The following TMEM117 variants were observed in gnomAD, a reference collection of about 807,000 sequenced individuals.
TMEM117 encodes transmembrane protein 117.
In TMEM117, 27 loss-of-function variants were observed where a neutral mutation model predicts 52.4. The ratio of observed to expected loss-of-function variants is 0.51; its 90% CI spans 0.38 to 0.71. The LOEUF is 0.71. TMEM117 is among the 30% of genes least tolerant of loss of function. The pLI is 0.00. For missense variants in TMEM117, 556 were observed against 630.5 expected (o/e 0.88, Z 1.26); for synonymous variants, 215 against 206.3 (o/e 1.04, Z -0.36).
intron 6 of TMEM117, among the ~76,000 whole-genome samples, chr12:44,367,279 A>G (rs576036431): frequency 1.1e-4 from 16 of 152,142 alleles, no homozygotes; most frequent in East Asian, 5.8e-4. Flanking sequence ...TTTGTCCCCA[A>G]TGTCGGCTTC....
At chr12:44,089,452 G>C (rs954808872) in intron 3 of TMEM117, among the ~76,000 whole-genome samples, 1 of 152,066 alleles carries the variant, frequency 6.6e-6, no homozygotes, top group Non-Finnish European at 1.5e-5. Flanking sequence ...ACATTTAGGT[G>C]CTTTTTGTCA....
rs371853907 is a variant in TMEM117, at chr12:44,388,123, A to G, written c.996A>G (p.Gln332=). The G allele has an allele frequency of 1.2e-5, 20 of 1,613,088 alleles. No homozygotes were observed. The African/African-American group carries it at 2.4e-4, about 19-fold the overall frequency. The change falls in exon 8 of 8, where the codon CAA becomes CAG. Residue 332 remains glutamine (Q), a synonymous_variant. Transcript: ENST00000266534. Reference sequence around the variant, plus strand: ...TTTATAAACCTCATGAATATGGGCAATATATCGGCCCGGGGCAGAAGATAT... The same window carrying G: ...TTTATAAACCTCATGAATATGGGCAGTATATCGGCCCGGGGCAGAAGATAT... ...QIFYKPHEYG[Q]YIGPGQKIYT...
intron 2 of TMEM117, among the ~76,000 whole-genome samples, chr12:43,869,865 G>A (rs1308958494): frequency 6.6e-6 from 1 of 152,088 alleles, no homozygotes; most frequent in East Asian, 1.9e-4. Flanking sequence ...CATCACCCAG[G>A]TATTAAGCCC....
At chr12:43,923,149 TC>T (rs1175441749) in intron 2 of TMEM117, among the ~76,000 whole-genome samples, 3 of 152,168 alleles carry the variant, frequency 2.0e-5, no homozygotes, top group African/African-American at 4.8e-5. Flanking sequence ...ATGTTGCTTC[TC>T]CCCTGGAAGT....
At chr12:44,171,728 G>A (rs1421750078) in intron 4 of TMEM117, among the ~76,000 whole-genome samples, 2 of 152,150 alleles carry the variant, frequency 1.3e-5, no homozygotes, top group Admixed American at 6.5e-5. Flanking sequence ...TCTTAACTAT[G>A]CTATTTTCTA....
At chr12:44,084,701 C>T (rs1271251461) in intron 3 of TMEM117, among the ~76,000 whole-genome samples, 1 of 152,100 alleles carries the variant, frequency 6.6e-6, no homozygotes, top group Non-Finnish European at 1.5e-5. Context: ...TCTCAGGCCC[C>T]CATGCTAAGC....
At chr12:44,287,136 A>T (rs954438962) in intron 5 of TMEM117, among the ~76,000 whole-genome samples, 1 of 152,234 alleles carries the variant, frequency 6.6e-6, no homozygotes, top group African/African-American at 2.4e-5. Context: ...AACCCTTCTT[A>T]GTCTCACATT....
intron 2 of TMEM117, among the ~76,000 whole-genome samples, chr12:43,856,061 C>A (rs569592359): frequency 6.6e-6 from 1 of 152,098 alleles, no homozygotes; most frequent in Admixed American, 6.6e-5. Flanking sequence ...TTATCATGGT[C>A]GTTGAGAGTA....
chr12:43,951,570 C>A (rs929942925), intron 3 of TMEM117, among the ~76,000 whole-genome samples: 1 of 152,218 alleles, frequency 6.6e-6, no homozygotes, highest in African/African-American at 2.4e-5. Flanking sequence ...CTAGATCCTT[C>A]CTCAGCAGGC....
intron 2 of TMEM117, among the ~76,000 whole-genome samples, chr12:43,852,517 A>G (rs150307762): frequency 0.038 from 5,710 of 152,206 alleles, 269 homozygotes; most frequent in African/African-American, 0.1. Context: ...CAGCAAAATC[A>G]CTTGAACCCA....
chr12:44,393,994 G>C (rs1246368946), downstream of TMEM117, among the ~76,000 whole-genome samples: 1 of 152,148 alleles, frequency 6.6e-6, no homozygotes, highest in Non-Finnish European at 1.5e-5. Flanking sequence ...ACATCCCCAG[G>C]AGAATGTTAG....
intron 4 of TMEM117, among the ~76,000 whole-genome samples, chr12:44,200,542 T>G (rs1159252): frequency 0.1 from 15,170 of 152,156 alleles, 2,234 homozygotes; most frequent in African/African-American, 0.33. Context: ...AAATCTGTGT[T>G]ATTTTAAATG....
chr12:43,925,836 G>C (rs1011876316), intron 2 of TMEM117, among the ~76,000 whole-genome samples: 5 of 152,120 alleles, frequency 3.3e-5, no homozygotes, highest in Admixed American at 1.3e-4. Flanking sequence ...ATGTGCTTCA[G>C]ATGCAATGTT....
chr12:43,830,999 C>G (rs539850236), upstream of TMEM117, among the ~76,000 whole-genome samples: 4 of 152,114 alleles, frequency 2.6e-5, no homozygotes, highest in Non-Finnish European at 5.9e-5. Context: ...TTTTCACAAG[C>G]AAAATTCAGG....
chr12:44,345,341 A>G (rs1445942823), intron 6 of TMEM117, among the ~76,000 whole-genome samples: 1 of 152,036 alleles, frequency 6.6e-6, no homozygotes, highest in Non-Finnish European at 1.5e-5. Context: ...CAGTTCCTTT[A>G]TCATGTGGAA....
intron 4 of TMEM117, among the ~76,000 whole-genome samples, chr12:44,165,899 T>C (rs953536228): frequency 6.6e-6 from 1 of 152,288 alleles, no homozygotes; most frequent in Non-Finnish European, 1.5e-5. Flanking sequence ...ATGGAACATT[T>C]TATTCAACAG....
At chr12:44,266,340 G>C (rs1278020978) in intron 5 of TMEM117, among the ~76,000 whole-genome samples, 1 of 152,076 alleles carries the variant, frequency 6.6e-6, no homozygotes, top group African/African-American at 2.4e-5. Flanking sequence ...GATGTGAACT[G>C]CTATCTCATT....
chr12:43,913,010 G>A (rs1459053740), intron 2 of TMEM117, among the ~76,000 whole-genome samples: 1 of 152,168 alleles, frequency 6.6e-6, no homozygotes, highest in African/African-American at 2.4e-5. Flanking sequence ...ATCTGGAACT[G>A]TTTTGAGAAG....
At chr12:43,832,022 CTG>C (rs1352708010), upstream of TMEM117, among the ~76,000 whole-genome samples, 1 of 152,188 alleles carries the variant, frequency 6.6e-6, no homozygotes. Context: ...CCCTGACACT[CTG>C]AAACTGTGGC....
Sources: gnomAD v4.1 joint callset for allele counts (sites outside exome capture counted in the v4.1 genomes callset) on GRCh38, gnomAD v4.1.1 for gene constraint, MANE v1.5 for transcripts, NCBI Gene and HGNC (gene_info 2026-07-23, HGNC 2026-07-21) for gene names.